RCAN2: variants seen among roughly 807,000 people sequenced by gnomAD.
RCAN2 encodes regulator of calcineurin 2.
A neutral mutation model predicts 23.6 loss-of-function variants in RCAN2; 9 were observed. That is an observed-to-expected ratio of 0.38 (90% CI 0.23 to 0.67). The LOEUF (loss-of-function observed/expected upper bound fraction) is 0.67, where lower values mean the gene tolerates loss of function less well. RCAN2 is among the 30% of genes least tolerant of loss of function. RCAN2 has a pLI of 0.51. For synonymous variants in RCAN2, 109 were observed against 115.7 expected (o/e 0.94, Z 0.37); for missense variants, 273 against 302.3 (o/e 0.90, Z 0.72).
intron 2 of RCAN2, among the ~76,000 whole-genome samples, chr6:46,323,003 T>C (rs937719113): frequency 6.6e-6 from 1 of 152,228 alleles, no homozygotes; most frequent in African/African-American, 2.4e-5. Flanking sequence ...TTTTTAATAA[T>C]GTTACTGCTT....
At chr6:46,342,801 T>C (rs1454174547) in intron 2 of RCAN2, among the ~76,000 whole-genome samples, 1 of 151,824 alleles carries the variant, frequency 6.6e-6, no homozygotes, top group Non-Finnish European at 1.5e-5. Flanking sequence ...ACTTTTATGG[T>C]TTGATGTGGG....
chr6:46,322,218 G>A (rs1398307594), intron 2 of RCAN2, among the ~76,000 whole-genome samples: 1 of 152,156 alleles, frequency 6.6e-6, no homozygotes, highest in African/African-American at 2.4e-5. Flanking sequence ...GAATACTGGA[G>A]AACATCAACC....
chr6:46,257,756 C>A (rs565223258), intron 2 of RCAN2, among the ~76,000 whole-genome samples: 1 of 152,128 alleles, frequency 6.6e-6, no homozygotes. Context: ...ACCATATTAC[C>A]TAGAAAGCAA....
At chr6:46,263,401 C>T (rs1028945771) in intron 2 of RCAN2, among the ~76,000 whole-genome samples, 3 of 151,972 alleles carry the variant, frequency 2.0e-5, no homozygotes, top group Admixed American at 6.6e-5. Context: ...TCCAATTCCT[C>T]TTACTATTTA....
rs70996369 is a variant in RCAN2 at position 46,418,695 on chromosome 6, GTATATATATATATATA to G, written c.225+38041_225+38056del. 9.8e-3 allele frequency among the ~76,000 whole-genome samples: 1,190 copies of G among 121,298 alleles called. 34 individuals are homozygous for G. Among genetic ancestry groups the G allele is most frequent in the African/African-American group, 0.033 (1,056 of 32,212 alleles). 79.6% of individuals were successfully genotyped at this position (121,298 alleles called of 152,430 possible). On this transcript the variant is annotated intron_variant, in intron 2 of 4. Transcript: ENST00000371374. The stretch of plus-strand genomic sequence containing the variant: ...AATCATCTCTAAAATATGTGTGTGT[GTATATATATATATATA>G]TATATATATATATATATATACAGTT...
chr6:46,435,133 C>T (rs757493553), intron 2 of RCAN2, among the ~76,000 whole-genome samples: 2 of 152,192 alleles, frequency 1.3e-5, no homozygotes, highest in African/African-American at 2.4e-5. Context: ...AAATGACAAC[C>T]TGTGCCAAAA....
chr6:46,369,542 T>G (rs547730020), intron 2 of RCAN2, among the ~76,000 whole-genome samples: 1 of 152,256 alleles, frequency 6.6e-6, no homozygotes. Context: ...TAACAGAAAT[T>G]TTTCTGTTCC....
rs558327843 is a variant in RCAN2 at position 46,251,866 on chromosome 6, T to A, written c.226-2970A>T. On this transcript the variant is annotated intron_variant, in intron 2 of 4. Coordinates refer to ENST00000371374, the MANE Select transcript of RCAN2 (RefSeq NM_001251974.2). ...GCCGTTGACGTGAAACTCTTTGATA[T>A]TCCTTGTTTTGGGCTTAGGCTGAAA... Among the ~76,000 whole-genome samples, 20 of 152,258 alleles carry A rather than the reference T, an allele frequency of 1.3e-4. No homozygotes were observed. The South Asian group carries it at 4.2e-3, about 32-fold the overall frequency.
In RCAN2 at chr6:46,241,026, C is replaced by T. The variant is rs73735735; in HGVS notation, c.571+5722G>A. Among the ~76,000 whole-genome samples, 768 of 152,294 alleles carry T rather than the reference C, an allele frequency of 5.0e-3. 2 individuals carry two copies. Among genetic ancestry groups the T allele is most frequent in the African/African-American group, 0.017 (723 of 41,562 alleles). ...AAGAAGAGACAATGACTTTTCATAT[C>T]GCTCCCTGCAGGCATTTTCAGTGAC... is the stretch of plus-strand genomic sequence containing the variant. On this transcript the variant is annotated intron_variant, in intron 4 of 4. Transcript: ENST00000371374.
intron 2 of RCAN2, among the ~76,000 whole-genome samples, chr6:46,354,521 C>G (rs1258505638): frequency 6.6e-6 from 1 of 152,134 alleles, no homozygotes; most frequent in Non-Finnish European, 1.5e-5. Flanking sequence ...TCTGTATTGC[C>G]TTTGCAACTT....
chr6:46,273,635 TA>T (rs1009583454), intron 2 of RCAN2, among the ~76,000 whole-genome samples: 4 of 152,338 alleles, frequency 2.6e-5, no homozygotes, highest in African/African-American at 9.6e-5. Flanking sequence ...TGCAGCATTG[TA>T]AAAATGCATA....
chr6:46,344,353 G>A (rs540504463), intron 2 of RCAN2, among the ~76,000 whole-genome samples: 2 of 152,158 alleles, frequency 1.3e-5, no homozygotes, highest in East Asian at 1.9e-4. Context: ...ATTCTTTACT[G>A]AAGAGAATAA....
intron 2 of RCAN2, among the ~76,000 whole-genome samples, chr6:46,442,213 C>T (rs1209464805): frequency 6.6e-6 from 1 of 152,162 alleles, no homozygotes; most frequent in Non-Finnish European, 1.5e-5. Context: ...GAAACTGCCT[C>T]TGAAAAAAGT....
chr6:46,309,319 C>T (rs1406240361), intron 2 of RCAN2, among the ~76,000 whole-genome samples: 1 of 152,134 alleles, frequency 6.6e-6, no homozygotes, highest in Non-Finnish European at 1.5e-5. Flanking sequence ...GCCTAGTTGT[C>T]TAATTTTTAG....
At chr6:46,257,983 T>C (rs1766976078) in intron 2 of RCAN2, among the ~76,000 whole-genome samples, 1 of 152,232 alleles carries the variant, frequency 6.6e-6, no homozygotes, top group South Asian at 2.1e-4. Context: ...GGAAGTCCAC[T>C]GGTACTTTTG....
chr6:46,351,709 C>G (rs190053743), intron 2 of RCAN2, among the ~76,000 whole-genome samples: 2 of 152,226 alleles, frequency 1.3e-5, no homozygotes, highest in Admixed American at 6.5e-5. Flanking sequence ...GATGGATGAA[C>G]AAAACAAAAT....
At chr6:46,344,870 ATTAT>A (rs1281818985) in intron 2 of RCAN2, among the ~76,000 whole-genome samples, 1 of 152,106 alleles carries the variant, frequency 6.6e-6, no homozygotes, top group Non-Finnish European at 1.5e-5. Context: ...CACATTAATA[ATTAT>A]TTAAATGTAA....
chr6:46,489,912 G>A (rs147781322), intron 1 of RCAN2, among the ~76,000 whole-genome samples: 2 of 152,316 alleles, frequency 1.3e-5, no homozygotes, highest in East Asian at 3.9e-4. Context: ...GAAAATCAAT[G>A]ACTACACTGA....
intron 2 of RCAN2, among the ~76,000 whole-genome samples, chr6:46,426,143 C>A (rs976420400): frequency 2.0e-5 from 3 of 152,174 alleles, no homozygotes; most frequent in South Asian, 2.1e-4. Flanking sequence ...AGATGATCCA[C>A]CCCCCTCAGC....
Sources: gnomAD v4.1 joint callset for allele counts (sites outside exome capture counted in the v4.1 genomes callset) on GRCh38, gnomAD v4.1.1 for gene constraint, MANE v1.5 for transcripts, NCBI Gene and HGNC (gene_info 2026-07-23, HGNC 2026-07-21) for gene names.